ESF1: variants seen among roughly 807,000 people sequenced by gnomAD.
ESF1 encodes ESF1 homolog.
ESF1 carries 58 observed loss-of-function variants against 92.0 expected under a neutral mutation model. That is an observed-to-expected ratio of 0.63 (90% CI 0.51 to 0.78). The LOEUF is 0.78. Ranked by LOEUF, ESF1 falls within the 30% of genes least tolerant of loss-of-function variation. The pLI, the probability that ESF1 is intolerant of heterozygous loss-of-function variation, is 0.00. For missense variants in ESF1, 922 were observed against 989.1 expected (o/e 0.93, Z 0.91); for synonymous variants, 321 against 313.7 (o/e 1.02, Z -0.24).
intron 10 of ESF1, among the ~76,000 whole-genome samples, chr20:13,730,457 C>T (rs2147729886): frequency 6.6e-6 from 1 of 150,880 alleles, no homozygotes; most frequent in South Asian, 2.1e-4. Flanking sequence ...GATCTCGGCT[C>T]ACTGCACGCT....
intron 6 of ESF1, among the ~76,000 whole-genome samples, 189 bp downstream of exon 6, chr20:13,771,142 T>C (rs752764830): frequency 2.0e-5 from 3 of 152,240 alleles, no homozygotes; most frequent in Non-Finnish European, 4.4e-5. Flanking sequence ...GGATGATTCA[T>C]ACATAATACT....
At position 13,717,484 on chromosome 20, in the gene ESF1, C is replaced by T; in HGVS notation, c.2146G>A (p.Asp716Asn). 1 of 1,613,998 alleles carries T rather than the reference C, an allele frequency of 6.2e-7. No homozygotes were observed. The highest frequency in any genetic ancestry group is 8.5e-7 in the Non-Finnish European group (1 of 1,180,028). ...AEMALLMMDEDEDSKKHFNYN... is the reference protein window; with the variant it reads ...AEMALLMMDENEDSKKHFNYN... Reference sequence around the variant, plus strand: ...TTGAAGTGTTTCTTACTGTCCTCGTCCTCATCCATCATAAGCAAAGCCATT... The same window carrying T: ...TTGAAGTGTTTCTTACTGTCCTCGTTCTCATCCATCATAAGCAAAGCCATT... The change falls in exon 13 of 14, where the codon GAC becomes AAC. Residue 716 changes from aspartate (D) to asparagine (N), a missense_variant. Transcript: ENST00000617257.
intron 2 of ESF1, among the ~76,000 whole-genome samples, chr20:13,781,558 C>T (rs117118183): frequency 6.8e-4 from 104 of 152,268 alleles, no homozygotes; most frequent in Non-Finnish European, 1.2e-3. Context: ...AAAATCAAGG[C>T]CATCCTACAC....
rs1980329517 is a variant in ESF1, at chr20:13,783,253, TC to T, written c.-43-71del. The stretch of plus-strand genomic sequence containing the variant: ...AATAATTAAATGTTTTAAAACACAT[TC>T]ACAATATATTCTAAGTTAATATATT... On this transcript the variant is annotated intron_variant, in intron 1 of 13. Transcript: ENST00000617257. 4.3e-5 allele frequency: 47 copies of T among 1,098,844 alleles called. 1 individual carries two copies. The highest frequency in any genetic ancestry group is 5.4e-5 in the Non-Finnish European group (43 of 791,092). The allele number at this position is 1,098,844 out of a possible 1,614,324, so 68.1% of individuals were successfully genotyped here. A position where few individuals can be genotyped will look rare whatever the true frequency, so the allele number is the denominator to read the frequency against.
intron 4 of ESF1, 110 bp from the exon 5 acceptor site, chr20:13,772,725 G>GT (rs2147774732): frequency 2.8e-6 from 2 of 719,500 alleles, no homozygotes; most frequent in Non-Finnish European, 4.8e-6. Flanking sequence ...AATGAAAACA[G>GT]TAAGGGTGAC....
chr20:13,749,980 C>T (rs1978555322), intron 9 of ESF1, among the ~76,000 whole-genome samples: 1 of 152,188 alleles, frequency 6.6e-6, no homozygotes, highest in Non-Finnish European at 1.5e-5. Flanking sequence ...CCAGCAGATT[C>T]AGTTTGCACA....
chr20:13,778,652 T>C (rs956155810), intron 2 of ESF1, among the ~76,000 whole-genome samples: 4 of 152,254 alleles, frequency 2.6e-5, no homozygotes, highest in South Asian at 2.1e-4. Flanking sequence ...TACCACACTT[T>C]GGGTTATATA....
At chr20:13,720,693 T>C (rs1377103702) in intron 11 of ESF1, among the ~76,000 whole-genome samples, 2 of 152,244 alleles carry the variant, frequency 1.3e-5, no homozygotes, top group Non-Finnish European at 2.9e-5. Context: ...CTTGTATAAA[T>C]ACATTTTTAT....
At chr20:13,767,772 T>A (rs1399375612) in intron 7 of ESF1, among the ~76,000 whole-genome samples, 2 of 152,196 alleles carry the variant, frequency 1.3e-5, no homozygotes, top group Non-Finnish European at 2.9e-5. Flanking sequence ...TGGTGATGAC[T>A]GGCTCCTGCC....
At chr20:13,751,182 T>C (rs774705234) in intron 9 of ESF1, among the ~76,000 whole-genome samples, 2 of 152,170 alleles carry the variant, frequency 1.3e-5, no homozygotes, top group Non-Finnish European at 2.9e-5. Context: ...TCTGTCAAAA[T>C]AACACACGGA....
intron 2 of ESF1, among the ~76,000 whole-genome samples, chr20:13,779,766 C>T (rs1018333951): frequency 6.6e-6 from 1 of 152,212 alleles, no homozygotes; most frequent in Non-Finnish European, 1.5e-5. Flanking sequence ...AACTCCTGAC[C>T]TCAAGCAATC....
intron 10 of ESF1, among the ~76,000 whole-genome samples, chr20:13,730,675 C>T (rs1354215519): frequency 2.6e-5 from 4 of 151,822 alleles, no homozygotes; most frequent in Non-Finnish European, 4.4e-5. Context: ...TGAGCCACCG[C>T]ACCCAGCCAG....
intron 9 of ESF1, among the ~76,000 whole-genome samples, chr20:13,746,487 T>C (rs538773069): frequency 6.6e-6 from 1 of 152,334 alleles, no homozygotes. Context: ...CTAAATTTTC[T>C]GACTTTGAGG....
In ESF1 at chr20:13,748,564, ATGTGTGTGTG is replaced by A. The variant is rs71188183; in HGVS notation, c.1828+11118_1828+11127del. On this transcript the variant is annotated intron_variant, in intron 9 of 13. Transcript: ENST00000617257. ...TATGTGTGTGTATATATATATATAT[ATGTGTGTGTG>A]TATATATATATATATATATTTTTTT... Among the ~76,000 whole-genome samples the A allele has an allele frequency of 1.4e-3, 167 of 119,486 alleles. 3 individuals carry two copies. Among genetic ancestry groups the A allele is most frequent in the African/African-American group, 4.0e-3 (129 of 32,324 alleles). 78.4% of individuals were successfully genotyped at this position (119,486 alleles called of 152,430 possible). A position where few individuals can be genotyped will look rare whatever the true frequency, so the allele number is the denominator to read the frequency against.
At chr20:13,722,327 A>G (rs1487054092) in intron 11 of ESF1, among the ~76,000 whole-genome samples, 1 of 152,236 alleles carries the variant, frequency 6.6e-6, no homozygotes, top group Non-Finnish European at 1.5e-5. Flanking sequence ...AGAATTTACT[A>G]TGATGTTAGA....
At chr20:13,730,737 T>C (rs1397908202) in intron 10 of ESF1, among the ~76,000 whole-genome samples, 1 of 151,724 alleles carries the variant, frequency 6.6e-6, no homozygotes, top group Non-Finnish European at 1.5e-5. Context: ...ATTTTATGGA[T>C]TCAGCAGTAA....
intron 11 of ESF1, among the ~76,000 whole-genome samples, chr20:13,719,529 G>A (rs976286389): frequency 7.2e-5 from 11 of 151,928 alleles, no homozygotes; most frequent in Non-Finnish European, 1.3e-4. Context: ...ATCATCATTA[G>A]AAACAGAAAA....
Position 13,784,862 on chromosome 20 carries a change from C to T in ESF1, c.-44+18G>A. ...CCCTTCATCTCGAGCTCTTCAACTC[C>T]AGTCCATCCCCACTCACCGTCCGCA... is the stretch of plus-strand genomic sequence containing the variant. On this transcript the variant is annotated intron_variant, in intron 1 of 13. Coordinates refer to ENST00000617257, the MANE Select transcript of ESF1 (RefSeq NM_001276380.2). The T allele has an allele frequency of 1.7e-6, 1 of 598,526 alleles. No homozygotes were observed. The highest frequency in any genetic ancestry group is 2.0e-5 in the South Asian group (1 of 50,236). The allele number at this position is 598,526 out of a possible 1,614,324, so 37.1% of individuals were successfully genotyped here.
intron 7 of ESF1, among the ~76,000 whole-genome samples, chr20:13,769,583 C>G (rs1979586303): frequency 6.6e-6 from 1 of 152,104 alleles, no homozygotes; most frequent in Admixed American, 6.5e-5. Context: ...GTCAGGAGTT[C>G]AAGACCAGCC....
Sources: allele counts gnomAD v4.1 joint callset (sites outside exome capture counted in the v4.1 genomes callset), GRCh38; gene constraint gnomAD v4.1.1; transcripts MANE v1.5; gene names NCBI Gene and HGNC (gene_info 2026-07-23, HGNC 2026-07-21).